The following ZNF469 variants were observed in gnomAD, a reference collection of about 807,000 sequenced individuals.
ZNF469 encodes the protein zinc finger protein 469.
Under a neutral mutation model 1.0 loss-of-function variants are expected in ZNF469, and 1 was observed. The ratio of observed to expected loss-of-function variants is 1.00; its 90% CI spans 0.35 to 4.73. The LOEUF is 4.73. Ranked by LOEUF, ZNF469 falls within the 30% of genes most tolerant of loss-of-function variation. The probability of loss-of-function intolerance (pLI) is 0.16; values close to 1 mark genes in which losing one functional copy is unlikely to be tolerated. For missense variants in ZNF469, 6,100 were observed against 5,356.3 expected (o/e 1.14, Z -4.33); for synonymous variants, 2,703 against 2,363.4 (o/e 1.14, Z -4.17).
At chr16:88,234,544 G>A in the ZNF469 span, among the ~76,000 whole-genome samples, 2 of 152,228 alleles carry the variant, frequency 1.3e-5, no homozygotes, top group Non-Finnish European at 2.9e-5. Context: ...GCCTCGCAGC[G>A]CGGACCAGGG....
In ZNF469 at chr16:88,425,841, G is replaced by A. The variant is rs549819013; in HGVS notation, c.-127+970G>A. On this transcript the variant is annotated intron_variant, in intron 2 of 2. Transcript: ENST00000565624. ...GGGGGCAGAGGAGGAAGGGGCACCC[G>A]GGCCCCCCAGCTGGCATGACTCTTT... Among the ~76,000 whole-genome samples the A allele has an allele frequency of 7.2e-5, 11 of 152,072 alleles. No individual in the cohort carries two copies. In the South Asian group the frequency reaches 1.7e-3, roughly 23 times the overall value.
the ZNF469 span, among the ~76,000 whole-genome samples, chr16:88,227,055 G>C: frequency 2.9e-4 from 42 of 144,026 alleles, no homozygotes; most frequent in African/African-American, 1.1e-3. Flanking sequence ...CTCCGCGCCG[G>C]GGCCTGCGCG....
chr16:88,419,450 G>C (rs920427904), intron 1 of ZNF469, among the ~76,000 whole-genome samples: 2 of 152,182 alleles, frequency 1.3e-5, no homozygotes, highest in Non-Finnish European at 2.9e-5. Context: ...CAGGTTCTGT[G>C]AGCCTCAGTT....
the ZNF469 span, among the ~76,000 whole-genome samples, chr16:88,288,793 G>A: frequency 6.6e-6 from 1 of 152,172 alleles, no homozygotes. Flanking sequence ...TACCAGAGGG[G>A]CTTTAATATA....
intron 1 of ZNF469, among the ~76,000 whole-genome samples, chr16:88,419,405 G>A (rs1460991173): frequency 1.3e-5 from 2 of 152,168 alleles, no homozygotes; most frequent in African/African-American, 2.4e-5. Context: ...TCCTGACCCC[G>A]GCTCTGCTCC....
Position 88,438,452 on chromosome 16 carries a change from C to T in ZNF469, c.10982C>T (p.Pro3661Leu), listed in dbSNP as rs1248805377. 1 of 1,550,038 alleles carries T rather than the reference C, an allele frequency of 6.5e-7. No individual in the cohort carries two copies. The highest frequency in any genetic ancestry group is 1.4e-5 in the African/African-American group (1 of 73,048). ...AGCCACATGGTGTCTGAGGGGGGGCCCCGAGGCGCCTTCCACAAGGGCAGC... is the reference window on the plus strand; with the variant it reads ...AGCCACATGGTGTCTGAGGGGGGGCTCCGAGGCGCCTTCCACAAGGGCAGC... ...SSSHMVSEGG[P>L]RGAFHKGSAT... is the part of the protein sequence containing the mutation. Residue 3661 changes from proline (P) to leucine (L), a missense_variant, in exon 3 of 3, where the codon CCC (proline) becomes CTC (leucine). Transcript: ENST00000565624.
In ZNF469 at chr16:88,433,498, G is replaced by C; in HGVS notation, c.6028G>C (p.Gly2010Arg). Residue 2010 changes from glycine (G) to arginine (R), a missense_variant, in exon 3 of 3, where the codon GGG (glycine) becomes CGG (arginine). By Grantham distance (125) the Gly-to-Arg change is moderately radical (BLOSUM62 -2). Coordinates refer to ENST00000565624, the MANE Select transcript of ZNF469 (RefSeq NM_001367624.2). ...QLQPENGVSP[G>R]GTDNHASVNA... The stretch of plus-strand genomic sequence containing the variant: ...TCAGCCAGAGAACGGGGTGAGCCCA[G>C]GGGGCACGGACAACCACGCCTCAGT... 6.5e-7 allele frequency: 1 copy of C among 1,550,374 alleles called. No individual in the cohort carries two copies.
the ZNF469 span, among the ~76,000 whole-genome samples, chr16:88,187,971 G>T: frequency 6.6e-6 from 1 of 152,028 alleles, no homozygotes; most frequent in Admixed American, 6.6e-5. Flanking sequence ...TTCCTGGGAT[G>T]CATCCCGGGC....
In ZNF469 at chr16:88,431,713, C is replaced by G; in HGVS notation, c.4243C>G (p.Leu1415Val). The G allele has an allele frequency of 6.4e-7, 1 of 1,550,396 alleles. No individual in the cohort carries two copies. Among genetic ancestry groups the G allele is most frequent in the Non-Finnish European group, 8.7e-7 (1 of 1,146,990 alleles). The change falls in exon 3 of 3, where the codon CTT (leucine) becomes GTT (valine). Residue 1415 changes from leucine (L) to valine (V), a missense_variant. Coordinates refer to ENST00000565624, the MANE Select transcript of ZNF469 (RefSeq NM_001367624.2). ...TGCCCCGCCGGCCAGCAGCTCCTGCCTTTGCCAGGACGGCGAGGATGCCGG... is the reference window on the plus strand; with the variant it reads ...TGCCCCGCCGGCCAGCAGCTCCTGCGTTTGCCAGGACGGCGAGGATGCCGG... Reference protein sequence around the residue: ...RDAPPASSSCLCQDGEDAGSL... With the variant: ...RDAPPASSSCVCQDGEDAGSL...
At chr16:88,337,890 C>T in the ZNF469 span, among the ~76,000 whole-genome samples, 1 of 152,206 alleles carries the variant, frequency 6.6e-6, no homozygotes, top group African/African-American at 2.4e-5. Context: ...ACGCTAAACC[C>T]TTCTCAGATG....
At chr16:88,378,341 T>C (rs1197529270), upstream of ZNF469, among the ~76,000 whole-genome samples, 1 of 152,180 alleles carries the variant, frequency 6.6e-6, no homozygotes, top group South Asian at 2.1e-4. Context: ...CGGGTACTGA[T>C]TGTGTTCCAG....
At chr16:88,418,920 G>A (rs888064816) in intron 1 of ZNF469, among the ~76,000 whole-genome samples, 13 of 152,260 alleles carry the variant, frequency 8.5e-5, no homozygotes, top group Non-Finnish European at 1.2e-4. Context: ...CCCGTACGGC[G>A]AGGACTACAG....
the ZNF469 span, among the ~76,000 whole-genome samples, chr16:88,251,277 G>T: frequency 6.6e-6 from 1 of 152,130 alleles, no homozygotes; most frequent in African/African-American, 2.4e-5. Flanking sequence ...GGATTAACTG[G>T]GAATCATTTG....
the ZNF469 span, among the ~76,000 whole-genome samples, chr16:88,120,818 C>A: frequency 2.6e-5 from 4 of 152,136 alleles, no homozygotes; most frequent in African/African-American, 9.7e-5. Flanking sequence ...AGGAGACGCC[C>A]GTGTCGAGGG....
At chr16:88,389,114 G>A (rs1904414070) in intron 1 of ZNF469, among the ~76,000 whole-genome samples, 1 of 152,200 alleles carries the variant, frequency 6.6e-6, no homozygotes, top group African/African-American at 2.4e-5. Flanking sequence ...CCACCATCTA[G>A]TTCTAGAACG....
the ZNF469 span, among the ~76,000 whole-genome samples, chr16:88,186,102 C>G: frequency 2.6e-5 from 4 of 152,356 alleles, 1 homozygote; most frequent in Admixed American, 2.6e-4. Context: ...TGGGCCGACA[C>G]CGGAGGCTGC....
At chr16:88,115,107 TA>T in the ZNF469 span, among the ~76,000 whole-genome samples, 2 of 152,286 alleles carry the variant, frequency 1.3e-5, no homozygotes, top group East Asian at 3.9e-4. Context: ...CAGCCTGTCT[TA>T]ACCATGCTGC....
chr16:88,295,958 T>C, the ZNF469 span, among the ~76,000 whole-genome samples: 1 of 152,270 alleles, frequency 6.6e-6, no homozygotes, highest in East Asian at 1.9e-4. Context: ...TGACTGTCAA[T>C]AGAGAAAGGG....
chr16:88,290,952 G>A, the ZNF469 span, among the ~76,000 whole-genome samples: 392 of 152,284 alleles, frequency 2.6e-3, 1 homozygote, highest in African/African-American at 9.1e-3. Flanking sequence ...AACCAGATCG[G>A]AGCGCGTCAG....
Sources: gnomAD v4.1 joint callset for allele counts (sites outside exome capture counted in the v4.1 genomes callset) on GRCh38, gnomAD v4.1.1 for gene constraint, MANE v1.5 for transcripts, NCBI Gene and HGNC (gene_info 2026-07-23, HGNC 2026-07-21) for gene names.